Variants in AGMO observed in about 807,000 individuals in gnomAD.
AGMO encodes alkylglycerol monooxygenase.
A neutral mutation model predicts 60.2 loss-of-function variants in AGMO; 75 were observed. The observed-to-expected ratio is 1.25, with a 90% CI of 1.03 to 1.51. The LOEUF (loss-of-function observed/expected upper bound fraction) is 1.51. Ranked by LOEUF, AGMO falls within the 40% of genes most tolerant of loss-of-function variation. AGMO has a pLI of 0.00. For missense variants in AGMO, 763 were observed against 525.5 expected (o/e 1.45, Z -4.42); for synonymous variants, 261 against 177.1 (o/e 1.47, Z -3.76).
intron 12 of AGMO, among the ~76,000 whole-genome samples, chr7:15,309,500 C>G (rs190118121): frequency 1.3e-5 from 2 of 152,148 alleles, no homozygotes; most frequent in Admixed American, 6.5e-5. Context: ...TCCATTTCCC[C>G]TAAGCGTCAA....
chr7:15,560,770 T>G (rs1354973411), intron 1 of AGMO, among the ~76,000 whole-genome samples: 1 of 152,174 alleles, frequency 6.6e-6, no homozygotes, highest in Admixed American at 6.5e-5. Flanking sequence ...ATATGGTAAT[T>G]TTACATGTTT....
At chr7:15,391,754 G>A (rs1007425790) in intron 6 of AGMO, among the ~76,000 whole-genome samples, 2 of 152,108 alleles carry the variant, frequency 1.3e-5, no homozygotes, top group African/African-American at 4.8e-5. Context: ...TTAAATAATG[G>A]TTCTGAATTA....
At chr7:15,200,037 G>C (rs1022373460), downstream of AGMO, among the ~76,000 whole-genome samples, 5 of 151,922 alleles carry the variant, frequency 3.3e-5, no homozygotes, top group South Asian at 2.1e-4. Context: ...TCTAAGTCAG[G>C]CTCCTTAACC....
intron 3 of AGMO, among the ~76,000 whole-genome samples, chr7:15,503,342 G>A (rs1783436325): frequency 6.6e-6 from 1 of 151,970 alleles, no homozygotes; most frequent in East Asian, 1.9e-4. Flanking sequence ...GATGAAAAAA[G>A]ATAAATAAAT....
At chr7:15,166,762 T>TG in the AGMO span, among the ~76,000 whole-genome samples, 1 of 152,198 alleles carries the variant, frequency 6.6e-6, no homozygotes, top group Non-Finnish European at 1.5e-5. Context: ...GATTTCCTAA[T>TG]GAATTCAGTG....
intron 3 of AGMO, among the ~76,000 whole-genome samples, chr7:15,479,215 T>C (rs1000235946): frequency 2.0e-5 from 3 of 152,112 alleles, no homozygotes; most frequent in African/African-American, 7.2e-5. Context: ...TAAGAGATGC[T>C]CTCATGTTTG....
chr7:15,147,976 T>C, the AGMO span, among the ~76,000 whole-genome samples: 1 of 152,176 alleles, frequency 6.6e-6, no homozygotes, highest in African/African-American at 2.4e-5. Context: ...TTTTGGAATA[T>C]TTTCCAATCA....
At chr7:15,561,293 C>A (rs1785297306) in intron 1 of AGMO, among the ~76,000 whole-genome samples, 1 of 152,148 alleles carries the variant, frequency 6.6e-6, no homozygotes, top group African/African-American at 2.4e-5. Flanking sequence ...AGCTGCATAT[C>A]CTTCATTCTG....
At chr7:15,465,114 T>C (rs1001183856) in intron 3 of AGMO, among the ~76,000 whole-genome samples, 7 of 152,022 alleles carry the variant, frequency 4.6e-5, no homozygotes, top group African/African-American at 1.4e-4. Flanking sequence ...TAAAAGTCTT[T>C]ACTCTGTGTG....
the AGMO span, among the ~76,000 whole-genome samples, chr7:15,173,953 A>G: frequency 6.6e-6 from 1 of 151,824 alleles, no homozygotes; most frequent in African/African-American, 2.4e-5. Flanking sequence ...ATTTCATGTT[A>G]TCTTTAATAC....
chr7:15,552,287 A>G (rs1056508892), intron 2 of AGMO, among the ~76,000 whole-genome samples: 1 of 152,212 alleles, frequency 6.6e-6, no homozygotes, highest in African/African-American at 2.4e-5. Context: ...AAAACACCAA[A>G]AGCATTGGCA....
intron 3 of AGMO, among the ~76,000 whole-genome samples, chr7:15,473,500 T>A (rs562560949): frequency 1.9e-4 from 29 of 151,678 alleles, no homozygotes; most frequent in Admixed American, 1.6e-3. Flanking sequence ...ATATCCTCAA[T>A]AAAATTCAAC....
chr7:15,315,127 A>G (rs575392961), intron 12 of AGMO, among the ~76,000 whole-genome samples: 42 of 152,202 alleles, frequency 2.8e-4, no homozygotes, highest in African/African-American at 9.6e-4. Flanking sequence ...TGAAACCTGG[A>G]GCAGAGACCA....
At chr7:15,511,216 C>T (rs1783663075) in intron 3 of AGMO, among the ~76,000 whole-genome samples, 1 of 152,004 alleles carries the variant, frequency 6.6e-6, no homozygotes, top group Non-Finnish European at 1.5e-5. Flanking sequence ...ACTCACACAC[C>T]CACCCACATG....
chr7:15,167,870 C>A, the AGMO span, among the ~76,000 whole-genome samples: 1 of 152,166 alleles, frequency 6.6e-6, no homozygotes, highest in Non-Finnish European at 1.5e-5. Context: ...CACTTCTAAA[C>A]CTTAATAAAT....
intron 3 of AGMO, among the ~76,000 whole-genome samples, chr7:15,452,784 C>A (rs1473259298): frequency 6.6e-6 from 1 of 152,128 alleles, no homozygotes; most frequent in Non-Finnish European, 1.5e-5. Flanking sequence ...CACACAGATG[C>A]ACTTCACAGC....
intron 3 of AGMO, among the ~76,000 whole-genome samples, chr7:15,446,629 C>T (rs1781705351): frequency 6.6e-6 from 1 of 152,128 alleles, no homozygotes; most frequent in Non-Finnish European, 1.5e-5. Flanking sequence ...TCATAAATAT[C>T]CACCTTATAA....
chr7:15,236,991 T>C (rs1011623581), intron 12 of AGMO, among the ~76,000 whole-genome samples: 21 of 150,310 alleles, frequency 1.4e-4, no homozygotes, highest in African/African-American at 5.1e-4. Context: ...CAAACAAACA[T>C]AAAAAATGTA....
At chr7:15,334,575 CAG>C (rs889911106) in intron 12 of AGMO, among the ~76,000 whole-genome samples, 22 of 152,104 alleles carry the variant, frequency 1.4e-4, no homozygotes, top group African/African-American at 5.3e-4. Flanking sequence ...AACTTCAAAG[CAG>C]AGATATTAAA....
Sources: allele counts gnomAD v4.1 joint callset (sites outside exome capture counted in the v4.1 genomes callset), GRCh38; gene constraint gnomAD v4.1.1; transcripts MANE v1.5; gene names NCBI Gene and HGNC (gene_info 2026-07-23, HGNC 2026-07-21).